SPON1: variants seen among roughly 807,000 people sequenced by gnomAD.
The protein encoded by SPON1 is spondin 1.
Under a neutral mutation model 111.7 loss-of-function variants are expected in SPON1, and 52 were observed. That is an observed-to-expected ratio of 0.47 (90% CI 0.37 to 0.59). SPON1 has a LOEUF of 0.59. SPON1 is among the 20% of genes least tolerant of loss of function. SPON1 has a pLI of 0.00. For missense variants in SPON1, 957 were observed against 1,068.5 expected (o/e 0.90, Z 1.46); for synonymous variants, 410 against 395.8 (o/e 1.04, Z -0.43).
chr11:14,177,511 G>A (rs993845500), intron 6 of SPON1, among the ~76,000 whole-genome samples: 1 of 152,144 alleles, frequency 6.6e-6, no homozygotes. Flanking sequence ...GGGGCCAGCT[G>A]GTCCATCAAG....
chr11:14,156,345 G>GT (rs1847846498), intron 6 of SPON1, among the ~76,000 whole-genome samples: 2 of 131,712 alleles, frequency 1.5e-5, no homozygotes, highest in African/African-American at 5.4e-5. Flanking sequence ...GGGGTTGTTT[G>GT]TTTTTTTCTT....
intron 2 of SPON1, among the ~76,000 whole-genome samples, chr11:13,984,117 A>G (rs1848164491): frequency 6.6e-6 from 1 of 152,168 alleles, no homozygotes; most frequent in Non-Finnish European, 1.5e-5. Flanking sequence ...AACAGCCAAT[A>G]TTTGTTGGGT....
At chr11:14,105,648 G>A (rs1849178851) in intron 5 of SPON1, among the ~76,000 whole-genome samples, 1 of 148,602 alleles carries the variant, frequency 6.7e-6, no homozygotes, top group African/African-American at 2.5e-5. Context: ...CATTTTCAAT[G>A]GTTCCAGTCA....
chr11:14,257,925 G>A, intron 11 of SPON1, 27 bp downstream of exon 11: 1 of 1,499,606 alleles, frequency 6.7e-7, no homozygotes, highest in South Asian at 1.3e-5. Context: ...GACCAGCCAG[G>A]GGCTGGCAGG....
At chr11:14,207,897 C>T (rs183742880) in intron 6 of SPON1, among the ~76,000 whole-genome samples, 35 of 152,240 alleles carry the variant, frequency 2.3e-4, no homozygotes, top group East Asian at 5.8e-4. Flanking sequence ...TAAAGACACA[C>T]GTACACGTAT....
chr11:14,176,069 T>C (rs73426111), intron 6 of SPON1, among the ~76,000 whole-genome samples: 7,124 of 152,202 alleles, frequency 0.047, 525 homozygotes, highest in African/African-American at 0.16. Context: ...GTAATTCATA[T>C]TGGGGTCTCT....
intron 5 of SPON1, among the ~76,000 whole-genome samples, chr11:14,127,409 C>A (rs1162838908): frequency 7.9e-5 from 12 of 152,118 alleles, no homozygotes; most frequent in Non-Finnish European, 1.6e-4. Context: ...GTCCCCATTC[C>A]CCCTACCACT....
chr11:14,132,478 A>G (rs1194558634), intron 5 of SPON1, among the ~76,000 whole-genome samples: 1 of 151,994 alleles, frequency 6.6e-6, no homozygotes, highest in African/African-American at 2.4e-5. Flanking sequence ...GGGAATTTGG[A>G]GTTAGCTGCT....
chr11:14,160,715 A>ATT (rs1564919324), intron 6 of SPON1, among the ~76,000 whole-genome samples: 5 of 13,316 alleles, frequency 3.8e-4, no homozygotes, highest in African/African-American at 2.9e-3. Context: ...ATATTTATAT[A>ATT]TATTTATATA....
intron 6 of SPON1, among the ~76,000 whole-genome samples, chr11:14,176,259 G>T (rs1554933069): frequency 6.6e-6 from 1 of 152,056 alleles, no homozygotes; most frequent in African/African-American, 2.4e-5. Flanking sequence ...GAGACAGACA[G>T]AAGGCCTTCC....
chr11:14,045,266 T>A (rs781833702), intron 3 of SPON1, among the ~76,000 whole-genome samples: 1 of 152,128 alleles, frequency 6.6e-6, no homozygotes, highest in Non-Finnish European at 1.5e-5. Context: ...TAATAATCTG[T>A]CTTTTAAAAA....
chr11:13,988,248 C>G (rs1273143840), intron 2 of SPON1, among the ~76,000 whole-genome samples: 1 of 152,124 alleles, frequency 6.6e-6, no homozygotes, highest in African/African-American at 2.4e-5. Context: ...GTTTGTAGTT[C>G]TCCTTGAAGA....
In SPON1 at chr11:14,135,096, A is replaced by C. The variant is rs782083280; in HGVS notation, c.677-324A>C. 11 of 194,692 alleles carry C rather than the reference A, an allele frequency of 5.6e-5. No individual in the cohort carries two copies. Among genetic ancestry groups the C allele is most frequent in the Non-Finnish European group, 1.1e-4 (10 of 94,792 alleles). 12.1% of individuals were successfully genotyped at this position (194,692 alleles called of 1,614,324 possible). On this transcript the variant is annotated intron_variant, in intron 5 of 15. Transcript: ENST00000576479. The surrounding 1 kb of genome is among the most constrained non-coding windows in gnomAD (Gnocchi z 4.4). ...GGAGTCTGCCAGAACAGTCCTTTCT[A>C]CTCTATTTTGCCTTACAAATATGAT...
chr11:14,224,414 G>T (rs1280764222), intron 6 of SPON1, among the ~76,000 whole-genome samples: 2 of 152,128 alleles, frequency 1.3e-5, no homozygotes, highest in East Asian at 3.9e-4. Flanking sequence ...TTAAAAGGGA[G>T]ATGGTAGTTT....
chr11:14,174,544 G>GT lies in SPON1; in HGVS notation c.825+38986dup, dbSNP rs797033194. ...TGGGTTTCATGAGGAAAACAGAGGGGTTTTTTTTTTCCCCAAAATGGGGCC... is the reference window on the plus strand; with the variant it reads ...TGGGTTTCATGAGGAAAACAGAGGGGTTTTTTTTTTTCCCCAAAATGGGGCC... On this transcript the variant is annotated intron_variant, in intron 6 of 15. Transcript: ENST00000576479. Among the ~76,000 whole-genome samples the GT allele has an allele frequency of 3.5e-3, 530 of 149,638 alleles. 4 individuals carry two copies. The highest frequency in any genetic ancestry group is 5.0e-3 in the Non-Finnish European group (334 of 67,322).
At chr11:14,168,625 G>T (rs994377026) in intron 6 of SPON1, among the ~76,000 whole-genome samples, 2 of 151,924 alleles carry the variant, frequency 1.3e-5, no homozygotes, top group African/African-American at 4.8e-5. Context: ...TTAGCATTAG[G>T]TATATCTCCT....
In SPON1 at chr11:14,197,709, G is replaced by A. The variant is rs527285609; in HGVS notation, c.826-45623G>A. On this transcript the variant is annotated intron_variant, in intron 6 of 15. Transcript: ENST00000576479. ...CACGCACCTGTAGTCCCAGCTACTCGGGAGGCTGAGGCAGGAGAATCGCTT... is the reference window on the plus strand; with the variant it reads ...CACGCACCTGTAGTCCCAGCTACTCAGGAGGCTGAGGCAGGAGAATCGCTT... Among the ~76,000 whole-genome samples the A allele has an allele frequency of 8.6e-5, 13 of 151,692 alleles. No homozygotes were observed. In the Middle Eastern group the frequency reaches 0.017, roughly 200 times the overall value.
intron 2 of SPON1, among the ~76,000 whole-genome samples, chr11:14,001,005 C>T (rs1019828012): frequency 4.6e-5 from 7 of 152,136 alleles, no homozygotes; most frequent in Non-Finnish European, 1.5e-5. Flanking sequence ...GAAATCATCA[C>T]TCCTGTCCTC....
chr11:14,238,535 C>T (rs1002722593), intron 6 of SPON1, among the ~76,000 whole-genome samples: 3 of 152,086 alleles, frequency 2.0e-5, no homozygotes, highest in African/African-American at 7.2e-5. Context: ...GACACCAGCC[C>T]CGACCCTAGA....
Sources: allele counts gnomAD v4.1 joint callset (sites outside exome capture counted in the v4.1 genomes callset), GRCh38; gene constraint gnomAD v4.1.1; non-coding constraint Gnocchi (gnomAD v3.1); transcripts MANE v1.5; gene names NCBI Gene and HGNC (gene_info 2026-07-23, HGNC 2026-07-21).